Variants in RAB27B observed in about 807,000 individuals in gnomAD.
RAB27B encodes RAB27B, member RAS oncogene family.
A neutral mutation model predicts 24.6 loss-of-function variants in RAB27B; 15 were observed. The ratio of observed to expected loss-of-function variants is 0.61; its 90% CI spans 0.41 to 0.94. RAB27B has a LOEUF of 0.94. Ranked by LOEUF, RAB27B falls within the 40% of genes least tolerant of loss-of-function variation. The pLI is 0.00. For synonymous variants in RAB27B, 105 were observed against 92.5 expected, an observed-to-expected ratio of 1.14 and a Z score of -0.78; for missense variants, 261 against 266.8, an observed-to-expected ratio of 0.98 and a Z score of 0.15.
chr18:54,807,147 C>T (rs961579297), intron 2 of RAB27B, among the ~76,000 whole-genome samples: 7 of 152,178 alleles, frequency 4.6e-5, no homozygotes, highest in African/African-American at 7.2e-5. Context: ...GATCTGCCGG[C>T]GTTGGCCTCC....
chr18:54,854,748 A>G (rs1423036172), intron 1 of RAB27B, among the ~76,000 whole-genome samples: 1 of 152,214 alleles, frequency 6.6e-6, no homozygotes, highest in South Asian at 2.1e-4. Context: ...GTACCACACA[A>G]GCTTCATCCT....
chr18:54,727,341 G>C (rs1909570994), intron 2 of RAB27B, among the ~76,000 whole-genome samples: 1 of 152,118 alleles, frequency 6.6e-6, no homozygotes. Context: ...GAACAGTAGA[G>C]AGTCAGGTGT....
At chr18:54,769,961 G>A (rs963618155) in intron 2 of RAB27B, among the ~76,000 whole-genome samples, 5 of 152,078 alleles carry the variant, frequency 3.3e-5, no homozygotes, top group African/African-American at 1.2e-4. Flanking sequence ...TCAGCTTCTT[G>A]GGTTCAAGTG....
intron 2 of RAB27B, among the ~76,000 whole-genome samples, chr18:54,736,663 A>T (rs1909904987): frequency 6.6e-6 from 1 of 152,172 alleles, no homozygotes; most frequent in Non-Finnish European, 1.5e-5. Context: ...TGCAGTCAAG[A>T]AAGTCATCTC....
intron 1 of RAB27B, among the ~76,000 whole-genome samples, chr18:54,854,765 T>A (rs1204161336): frequency 6.6e-6 from 1 of 152,208 alleles, no homozygotes; most frequent in Non-Finnish European, 1.5e-5. Flanking sequence ...TCCTTTAGTT[T>A]ACATATAATG....
At chr18:54,804,837 T>A (rs1365632931) in intron 2 of RAB27B, among the ~76,000 whole-genome samples, 1 of 141,608 alleles carries the variant, frequency 7.1e-6, no homozygotes, top group Non-Finnish European at 1.5e-5. Context: ...TTGAAAAGGT[T>A]TCTTTTCTTT....
intron 1 of RAB27B, among the ~76,000 whole-genome samples, chr18:54,876,167 T>C (rs1912691418): frequency 6.6e-6 from 1 of 152,092 alleles, no homozygotes; most frequent in African/African-American, 2.4e-5. Context: ...GAGCCCCTTA[T>C]AAAACCATCA....
intron 2 of RAB27B, among the ~76,000 whole-genome samples, chr18:54,773,603 G>C (rs1212100059): frequency 6.6e-6 from 1 of 152,072 alleles, no homozygotes; most frequent in Non-Finnish European, 1.5e-5. Flanking sequence ...CGAATAAGAA[G>C]GATTCTTTGC....
intron 2 of RAB27B, among the ~76,000 whole-genome samples, chr18:54,798,674 A>G (rs536628611): frequency 1.3e-5 from 2 of 152,360 alleles, no homozygotes; most frequent in East Asian, 1.9e-4. Flanking sequence ...TCAAAGCACT[A>G]CTTAATATGA....
At position 54,889,428 on chromosome 18, in the gene RAB27B, C is replaced by A. The variant is rs750675245; in HGVS notation, c.*15C>A. The stretch of plus-strand genomic sequence containing the variant: ...GTATCTGCTAGACTCTACATAGAAA[C>A]TGAACATCAAGAACCCCACCAAAAT... On this transcript the variant is annotated 3_prime_UTR_variant, in exon 6 of 6. Transcript: ENST00000262094. 3.1e-6 allele frequency: 5 copies of A among 1,590,308 alleles called. No individual in the cohort carries two copies. In the African/African-American group the frequency reaches 5.4e-5, roughly 17 times the overall value.
At chr18:54,864,032 A>G (rs1912113408) in intron 1 of RAB27B, among the ~76,000 whole-genome samples, 1 of 152,244 alleles carries the variant, frequency 6.6e-6, no homozygotes. Context: ...TAGACCCAGA[A>G]GTGGAATTAT....
At chr18:54,844,090 A>C (rs57603571) in intron 1 of RAB27B, among the ~76,000 whole-genome samples, 44,539 of 152,088 alleles carry the variant, frequency 0.29, 7,474 homozygotes, top group African/African-American at 0.46. Context: ...AGAACTGAGC[A>C]AAGTTCATGA....
intron 2 of RAB27B, among the ~76,000 whole-genome samples, chr18:54,800,910 T>C (rs2311212): frequency 0.34 from 51,933 of 151,928 alleles, 9,147 homozygotes; most frequent in East Asian, 0.42. Context: ...AAATCTGCAA[T>C]GGCAAACCAT....
rs551872854 is a variant in RAB27B, at chr18:54,795,999, A to G, written c.-20+77858A>G. On this transcript the variant is annotated intron_variant, in intron 2 of 4. Coordinates refer to the RAB27B transcript ENST00000586570. ...AAGCCATCACAATAATTAAATGAAT[A>G]TAATCATCACCCCCAAAGTTTCCTT... Among the ~76,000 whole-genome samples the G allele has an allele frequency of 8.5e-5, 13 of 152,328 alleles. No homozygotes were observed. In the South Asian group the frequency reaches 2.3e-3, roughly 27 times the overall value.
At chr18:54,749,612 C>T (rs1907765503) in intron 2 of RAB27B, among the ~76,000 whole-genome samples, 1 of 152,096 alleles carries the variant, frequency 6.6e-6, no homozygotes, top group African/African-American at 2.4e-5. Context: ...TTCACTTCCA[C>T]CTACAAAGAA....
rs78316161 is a variant in RAB27B, at chr18:54,847,472, T to C, written c.-20+18772T>C. Among the ~76,000 whole-genome samples, 695 of 152,342 alleles carry C rather than the reference T, an allele frequency of 4.6e-3. 3 individuals are homozygous for C. The highest frequency in any genetic ancestry group is 0.016 in the African/African-American group (645 of 41,582). ...AAAAATGAGAATAGTCTCCAACCCA[T>C]TATAGACTATCCCAATTAGGAATAT... is the stretch of plus-strand genomic sequence containing the variant. On this transcript the variant is annotated intron_variant, in intron 1 of 5. Coordinates refer to ENST00000262094, the MANE Select transcript of RAB27B (RefSeq NM_004163.4).
At chr18:54,721,522 C>A (rs11661860) in intron 2 of RAB27B, among the ~76,000 whole-genome samples, 15,374 of 152,084 alleles carry the variant, frequency 0.1, 912 homozygotes, top group Middle Eastern at 0.15. Context: ...CAATTAATGT[C>A]TTTGAATTAT....
chr18:54,780,008 G>A lies in RAB27B; in HGVS notation c.-20+61867G>A, dbSNP rs111882631. 5.8e-3 allele frequency among the ~76,000 whole-genome samples: 769 copies of A among 132,264 alleles called. 11 individuals carry two copies. Among genetic ancestry groups the A allele is most frequent in the Middle Eastern group, 0.015 (3 of 198 alleles). 86.8% of individuals were successfully genotyped at this position (132,264 alleles called of 152,430 possible). ...CTCTCCTGAGGGCTTCCCCCTCACC[G>A]TGTCTCCCTTCTCCTGACTGCTTCC... On this transcript the variant is annotated intron_variant, in intron 2 of 4. Coordinates refer to the RAB27B transcript ENST00000586570.
At chr18:54,791,432 G>A (rs947629127) in intron 2 of RAB27B, among the ~76,000 whole-genome samples, 4 of 152,164 alleles carry the variant, frequency 2.6e-5, no homozygotes, top group Admixed American at 2.0e-4. Flanking sequence ...TAAATCAGCT[G>A]GGTGTGGTGG....
Sources: gnomAD v4.1 joint callset for allele counts (sites outside exome capture counted in the v4.1 genomes callset) on GRCh38, gnomAD v4.1.1 for gene constraint, MANE v1.5 for transcripts, NCBI Gene and HGNC (gene_info 2026-07-23, HGNC 2026-07-21) for gene names.